Variants in PLA2G7 observed in about 807,000 individuals in gnomAD.
The protein encoded by PLA2G7 is platelet-activating factor acetylhydrolase.
A neutral mutation model predicts 49.6 loss-of-function variants in PLA2G7; 63 were observed. The observed-to-expected ratio is 1.27, with a 90% CI of 1.04 to 1.57. The LOEUF (loss-of-function observed/expected upper bound fraction) is 1.57, where lower values mean the gene tolerates loss of function less well. Ranked by LOEUF, PLA2G7 falls within the 40% of genes most tolerant of loss-of-function variation. PLA2G7 has a pLI of 0.00. For missense variants in PLA2G7, 596 were observed against 521.2 expected, an observed-to-expected ratio of 1.14 and a Z score of -1.40; for synonymous variants, 193 against 169.9, an observed-to-expected ratio of 1.14 and a Z score of -1.06.
At chr6:46,709,491 A>G (rs915160707) in intron 8 of PLA2G7, 73 bp from the exon 9 acceptor site, 1 of 859,040 alleles carries the variant, frequency 1.2e-6, no homozygotes, top group African/African-American at 1.7e-5. Flanking sequence ...TCAATCATAT[A>G]ATTGTTCATT....
At chr6:46,725,578 T>A (rs1338653459) in intron 1 of PLA2G7, among the ~76,000 whole-genome samples, 1 of 152,104 alleles carries the variant, frequency 6.6e-6, no homozygotes, top group Non-Finnish European at 1.5e-5. Context: ...TTATTCAACA[T>A]CTTTCTTTTG....
In PLA2G7 at chr6:46,712,240, A is replaced by C. The variant is rs755614149; in HGVS notation, c.539+29T>G. On this transcript the variant is annotated intron_variant, in intron 6 of 11. Transcript: ENST00000274793. Reference sequence around the variant, plus strand: ...GCATTGACATTCCCTGTAGTTGGCCAAAGAGCCCAATTATATCAGGTAACA... The same window carrying C: ...GCATTGACATTCCCTGTAGTTGGCCCAAGAGCCCAATTATATCAGGTAACA... 4.0e-5 allele frequency: 59 copies of C among 1,486,114 alleles called. 1 individual carries two copies. The Admixed American group carries it at 9.9e-4, about 25-fold the overall frequency. The allele number at this position is 1,486,114 out of a possible 1,614,324, so 92.1% of individuals were successfully genotyped here. A position where few individuals can be genotyped will look rare whatever the true frequency, so the allele number is the denominator to read the frequency against.
chr6:46,714,494 G>A lies in PLA2G7; in HGVS notation c.436C>T (p.Leu146Phe), dbSNP rs1765134812. 1 of 1,612,438 alleles carries A rather than the reference G, an allele frequency of 6.2e-7. No individual in the cohort carries two copies. The highest frequency in any genetic ancestry group is 1.3e-5 in the African/African-American group (1 of 74,794). The change falls in exon 5 of 12, where the codon CTT becomes TTT. Residue 146 changes from leucine (L) to phenylalanine (F), a missense_variant. By Grantham distance (22) the Leu-to-Phe change is conservative. Coordinates refer to ENST00000274793, the MANE Select transcript of PLA2G7 (RefSeq NM_005084.4). ...SPLRPGEKYP[L>F]VVFSHGLGAF... ...CCAAGACCATGAGAAAAAACAACAA[G>A]TGGATATTTTTCACCAGGCCTCAGA... is the stretch of plus-strand genomic sequence containing the variant.
chr6:46,705,862 C>T (rs976007678), intron 10 of PLA2G7, among the ~76,000 whole-genome samples: 2 of 152,098 alleles, frequency 1.3e-5, no homozygotes, highest in African/African-American at 4.8e-5. Flanking sequence ...TTTTTAAGTC[C>T]TCGTTTTCTA....
intron 1 of PLA2G7, among the ~76,000 whole-genome samples, chr6:46,726,067 A>G (rs1765565539): frequency 6.6e-6 from 1 of 152,262 alleles, no homozygotes; most frequent in South Asian, 2.1e-4. Flanking sequence ...GGGGCAACCC[A>G]GCAAGCCCTG....
intron 1 of PLA2G7, among the ~76,000 whole-genome samples, chr6:46,729,761 C>T (rs1765678796): frequency 6.6e-6 from 1 of 152,162 alleles, no homozygotes; most frequent in Admixed American, 6.5e-5. Context: ...GGCCTCTACC[C>T]ACTAGATGCC....
chr6:46,709,711 G>A (rs1369496285), intron 8 of PLA2G7, among the ~76,000 whole-genome samples: 1 of 152,102 alleles, frequency 6.6e-6, no homozygotes, highest in Non-Finnish European at 1.5e-5. Context: ...TCTGACTTCT[G>A]CCTCTCCTCA....
intron 1 of PLA2G7, among the ~76,000 whole-genome samples, chr6:46,725,333 G>A (rs1347999166): frequency 6.6e-6 from 1 of 151,902 alleles, no homozygotes; most frequent in East Asian, 1.9e-4. Context: ...CTGGGTTCAG[G>A]CAATTCTCCT....
chr6:46,723,971 T>C (rs565553957), intron 1 of PLA2G7, among the ~76,000 whole-genome samples: 1 of 152,300 alleles, frequency 6.6e-6, no homozygotes, highest in East Asian at 1.9e-4. Context: ...TCACCAAACA[T>C]GCCAAGTACT....
At chr6:46,732,896 G>T (rs943322820) in intron 1 of PLA2G7, among the ~76,000 whole-genome samples, 3 of 152,122 alleles carry the variant, frequency 2.0e-5, no homozygotes, top group African/African-American at 7.2e-5. Flanking sequence ...CCTTCACTCA[G>T]TACTTTCTCT....
rs1231909306 is a variant in PLA2G7, at chr6:46,717,081, A to G, written c.125T>C (p.Ile42Thr). The G allele has an allele frequency of 6.2e-7, 1 of 1,613,734 alleles. No individual in the cohort carries two copies. The highest frequency in any genetic ancestry group is 8.5e-7 in the Non-Finnish European group (1 of 1,179,636). ...GCTTGCAGCAGCCATCAGTACTTGTATTTTGTTGACCCATGCTGAAAAACA... is the reference window on the plus strand; with the variant it reads ...GCTTGCAGCAGCCATCAGTACTTGTGTTTTGTTGACCCATGCTGAAAAACA... ...HMKSSAWVNK[I>T]QVLMAAASFG... The change falls in exon 3 of 12, where the codon ATA becomes ACA. Residue 42 changes from isoleucine (I) to threonine (T), a missense_variant. Physicochemically the swap from Ile to Thr is moderately conservative, Grantham distance 89. Coordinates refer to ENST00000274793, the MANE Select transcript of PLA2G7 (RefSeq NM_005084.4).
intron 1 of PLA2G7, among the ~76,000 whole-genome samples, 177 bp from the exon 2 acceptor site, chr6:46,723,102 C>T (rs1765454004): frequency 6.6e-6 from 1 of 152,048 alleles, no homozygotes; most frequent in Non-Finnish European, 1.5e-5. Flanking sequence ...TGTAGGATTA[C>T]CATTACCTAC....
rs45494591 is a variant in PLA2G7 at position 46,729,628 on chromosome 6, T to A, written c.-35+5552A>T. 3.3e-3 allele frequency among the ~76,000 whole-genome samples: 504 copies of A among 152,252 alleles called. 2 individuals are homozygous for A. The highest frequency in any genetic ancestry group is 0.012 in the African/African-American group (479 of 41,556). ...AGGATAGGAAGTAGCTAAACCAGGATCTGAACCTAGACCCGGACCCTAAAG... is the reference window on the plus strand; with the variant it reads ...AGGATAGGAAGTAGCTAAACCAGGAACTGAACCTAGACCCGGACCCTAAAG... On this transcript the variant is annotated intron_variant, in intron 1 of 11. Coordinates refer to ENST00000274793, the MANE Select transcript of PLA2G7 (RefSeq NM_005084.4).
intron 1 of PLA2G7, among the ~76,000 whole-genome samples, chr6:46,731,653 TATA>T (rs1210458131): frequency 2.6e-5 from 4 of 152,168 alleles, no homozygotes; most frequent in South Asian, 2.1e-4. Flanking sequence ...CTGAAAATAA[TATA>T]ATAAGACATC....
At chr6:46,725,224 C>T (rs982556857) in intron 1 of PLA2G7, among the ~76,000 whole-genome samples, 2 of 151,274 alleles carry the variant, frequency 1.3e-5, no homozygotes, top group Non-Finnish European at 2.9e-5. Context: ...AAATGTGTTG[C>T]TGGAGCTCTA....
chr6:46,730,057 GCACCAGTTAGAC>G (rs1487536796), intron 1 of PLA2G7, among the ~76,000 whole-genome samples: 1 of 152,226 alleles, frequency 6.6e-6, no homozygotes, highest in Non-Finnish European at 1.5e-5. Context: ...ACTGCATTCT[GCACCAGTTAGAC>G]CACATCTTAT....
Position 46,716,491 on chromosome 6 carries a change from T to C in PLA2G7, c.269A>G (p.Asn90Ser), listed in dbSNP as rs1234695424. The change falls in exon 4 of 12, where the codon AAT becomes AGT. Residue 90 changes from asparagine (N) to serine (S), a missense_variant. Physicochemically the swap from Asn to Ser is conservative, Grantham distance 46. Coordinates refer to ENST00000274793, the MANE Select transcript of PLA2G7 (RefSeq NM_005084.4). ...GATCCAAAGGGTGTCAAGGCGATCA[T>C]TATCTTGGGATGGATAATATAAACG... is the stretch of plus-strand genomic sequence containing the variant. ...FLRLYYPSQD[N>S]DRLDTLWIPN... is the part of the protein sequence containing the mutation. The C allele has an allele frequency of 2.5e-6, 4 of 1,613,794 alleles. No homozygotes were observed. The highest frequency in any genetic ancestry group is 3.4e-6 in the Non-Finnish European group (4 of 1,179,826).
intron 1 of PLA2G7, among the ~76,000 whole-genome samples, chr6:46,730,552 C>A (rs573235430): frequency 6.6e-6 from 1 of 152,022 alleles, no homozygotes; most frequent in South Asian, 2.1e-4. Flanking sequence ...TAAGGACTGG[C>A]GTGAACTGTC....
chr6:46,728,856 G>A (rs1421368), intron 1 of PLA2G7, among the ~76,000 whole-genome samples: 141,074 of 152,276 alleles, frequency 0.93, 65,419 homozygotes, highest in East Asian at 1. Context: ...CTGTATCAGA[G>A]TAATAAAGTG....
Sources: gnomAD v4.1 joint callset for allele counts (sites outside exome capture counted in the v4.1 genomes callset) on GRCh38, gnomAD v4.1.1 for gene constraint, MANE v1.5 for transcripts, NCBI Gene and HGNC (gene_info 2026-07-23, HGNC 2026-07-21) for gene names.